ELF2: variants seen among roughly 807,000 people sequenced by gnomAD.
ELF2 encodes the protein ETS-related transcription factor Elf-2.
ELF2 carries 11 observed loss-of-function variants against 54.8 expected under a neutral mutation model. That is an observed-to-expected ratio of 0.20 (90% CI 0.13 to 0.33). The LOEUF is 0.33. Ranked by LOEUF, ELF2 falls within the 10% of genes least tolerant of loss-of-function variation. ELF2 has a pLI of 1.00. For missense variants in ELF2, 513 were observed against 703.0 expected (o/e 0.73, Z 3.06); for synonymous variants, 203 against 245.1 (o/e 0.83, Z 1.61).
chr4:139,153,541 G>A (rs1050861845), intron 1 of ELF2, among the ~76,000 whole-genome samples: 2 of 152,074 alleles, frequency 1.3e-5, no homozygotes, highest in African/African-American at 2.4e-5. Flanking sequence ...ACTGAGTCAC[G>A]CAAAACTGCC....
intron 1 of ELF2, among the ~76,000 whole-genome samples, chr4:139,149,349 C>T (rs1316220409): frequency 3.3e-5 from 5 of 152,200 alleles, no homozygotes; most frequent in Admixed American, 6.5e-5. Flanking sequence ...TGGTGGCTCA[C>T]GCCTGTAATC....
chr4:139,123,604 A>T (rs1451964025), intron 4 of ELF2, among the ~76,000 whole-genome samples: 1 of 152,256 alleles, frequency 6.6e-6, no homozygotes, highest in Non-Finnish European at 1.5e-5. Context: ...TTAATGTGAT[A>T]AACATCCTAA....
chr4:139,146,361 G>A (rs1739224541), intron 1 of ELF2, among the ~76,000 whole-genome samples: 1 of 152,072 alleles, frequency 6.6e-6, no homozygotes. Context: ...AAACACTGAT[G>A]AAAGAAACCA....
intron 1 of ELF2, among the ~76,000 whole-genome samples, chr4:139,164,120 G>GAGAGAGAGAAAGAGAAAGA (rs1182505730): frequency 6.8e-6 from 1 of 147,320 alleles, no homozygotes; most frequent in African/African-American, 2.5e-5. Flanking sequence ...GGGAGGAAGG[G>GAGAGAGAGAAAGAGAAAGA]AGAGAGAGAA....
intron 4 of ELF2, among the ~76,000 whole-genome samples, chr4:139,094,335 C>T (rs773168378): frequency 4.7e-4 from 72 of 152,200 alleles, no homozygotes; most frequent in Non-Finnish European, 7.9e-4. Flanking sequence ...AGGACCAAAG[C>T]CATCACAGCA....
At chr4:139,122,975 G>A (rs1301643449) in intron 4 of ELF2, among the ~76,000 whole-genome samples, 1 of 151,354 alleles carries the variant, frequency 6.6e-6, no homozygotes, top group African/African-American at 2.4e-5. Context: ...ACGAAGTCAA[G>A]AAATCGAGAC....
In ELF2 at chr4:139,090,318, G is replaced by A. The variant is rs144517862; in HGVS notation, c.239-16751C>T. On this transcript the variant is annotated intron_variant, in intron 4 of 9. Coordinates refer to ENST00000686138, the MANE Select transcript of ELF2 (RefSeq NM_001331036.3). ...GAGTTACGATTTTTCTCACATGCTT[G>A]TCAATTCAAGATATAAGCTGACTTT... Among the ~76,000 whole-genome samples the A allele has an allele frequency of 2.6e-3, 398 of 152,232 alleles. 1 individual carries two copies. Among genetic ancestry groups the A allele is most frequent in the African/African-American group, 9.1e-3 (378 of 41,538 alleles).
intron 4 of ELF2, among the ~76,000 whole-genome samples, chr4:139,098,303 G>T (rs1246767247): frequency 1.3e-5 from 2 of 152,100 alleles, no homozygotes; most frequent in Non-Finnish European, 2.9e-5. Context: ...TGTGTTGCTA[G>T]ATGCATGTAA....
At chr4:139,176,223 G>A (rs1456804625) in intron 1 of ELF2, among the ~76,000 whole-genome samples, 1 of 152,204 alleles carries the variant, frequency 6.6e-6, no homozygotes, top group Non-Finnish European at 1.5e-5. Context: ...ATTCCGATCC[G>A]AGCAAAGCCT....
intron 4 of ELF2, among the ~76,000 whole-genome samples, chr4:139,117,674 G>A (rs865856332): frequency 2.0e-5 from 3 of 151,454 alleles, no homozygotes; most frequent in East Asian, 2.0e-4. Context: ...AGAGTGAGCC[G>A]GGCACAGTGG....
intron 4 of ELF2, chr4:139,118,047 C>T (rs1241895722): frequency 6.4e-6 from 1 of 155,812 alleles, no homozygotes; most frequent in Admixed American, 6.5e-5. Context: ...TATGACTTTA[C>T]ATAGATGGTT....
chr4:139,142,701 G>A (rs1738822364), intron 1 of ELF2, among the ~76,000 whole-genome samples: 1 of 152,000 alleles, frequency 6.6e-6, no homozygotes, highest in African/African-American at 2.4e-5. Context: ...GATACAGGCT[G>A]GGACCAGAGT....
intron 8 of ELF2, among the ~76,000 whole-genome samples, chr4:139,061,088 TA>T (rs2148661228): frequency 6.6e-6 from 1 of 152,220 alleles, no homozygotes; most frequent in South Asian, 2.1e-4. Flanking sequence ...TACTGTCACA[TA>T]AACAATGTGT....
intron 4 of ELF2, among the ~76,000 whole-genome samples, chr4:139,077,608 T>G (rs145076465): frequency 1.3e-5 from 2 of 152,326 alleles, no homozygotes; most frequent in Non-Finnish European, 2.9e-5. Flanking sequence ...GTCAAGTAAC[T>G]TTTAACAGAA....
At chr4:139,088,559 G>A (rs906596053) in intron 4 of ELF2, among the ~76,000 whole-genome samples, 5 of 151,994 alleles carry the variant, frequency 3.3e-5, no homozygotes, top group Non-Finnish European at 7.4e-5. Flanking sequence ...TGATTTTCAT[G>A]ATAGTAAACT....
chr4:139,073,327 T>C (rs1044004098), intron 5 of ELF2, 127 bp downstream of exon 5: 4 of 486,854 alleles, frequency 8.2e-6, no homozygotes, highest in African/African-American at 2.0e-5. Context: ...ACTGCTGTCA[T>C]GTATTCATGT....
At chr4:139,136,550 C>T (rs1560853684) in intron 3 of ELF2, among the ~76,000 whole-genome samples, 1 of 151,772 alleles carries the variant, frequency 6.6e-6, no homozygotes, top group Non-Finnish European at 1.5e-5. Flanking sequence ...ATAGAGAAAA[C>T]AGATTTTTTT....
intron 4 of ELF2, chr4:139,084,561 G>C (rs1342974390): frequency 2.6e-6 from 1 of 387,380 alleles, no homozygotes; most frequent in Non-Finnish European, 3.6e-6. Context: ...GCCGCAGCCT[G>C]CGGCGAGAGA....
intron 1 of ELF2, among the ~76,000 whole-genome samples, chr4:139,175,158 T>C (rs1742777192): frequency 3.3e-5 from 5 of 152,214 alleles, no homozygotes; most frequent in African/African-American, 1.2e-4. Context: ...CCAAAAATGG[T>C]ATACAACATG....
Sources: gnomAD v4.1 joint callset for allele counts (sites outside exome capture counted in the v4.1 genomes callset) on GRCh38, gnomAD v4.1.1 for gene constraint, MANE v1.5 for transcripts, NCBI Gene and HGNC (gene_info 2026-07-23, HGNC 2026-07-21) for gene names.